Variants in HDAC5 observed in about 807,000 individuals in gnomAD.
HDAC5 encodes histone deacetylase 5.
Under a neutral mutation model 133.3 loss-of-function variants are expected in HDAC5, and 25 were observed. That is an observed-to-expected ratio of 0.19 (90% CI 0.14 to 0.26). The LOEUF (loss-of-function observed/expected upper bound fraction) is 0.26. HDAC5 is among the 10% of genes least tolerant of loss of function. The pLI, the probability that HDAC5 is intolerant of heterozygous loss-of-function variation, is 1.00. For synonymous variants in HDAC5, 589 were observed against 610.8 expected (o/e 0.96, Z 0.53); for missense variants, 1,041 against 1,460.5 (o/e 0.71, Z 4.68).
intron 11 of HDAC5, among the ~76,000 whole-genome samples, chr17:44,089,524 C>A (rs1278369254): frequency 6.6e-6 from 1 of 152,042 alleles, no homozygotes; most frequent in Non-Finnish European, 1.5e-5. Context: ...GCGGGTGGAC[C>A]ATCTGAGGTC....
intron 1 of HDAC5, chr17:44,120,098 A>G (rs2052893328): frequency 6.6e-6 from 1 of 152,384 alleles, no homozygotes; most frequent in Non-Finnish European, 1.5e-5. Flanking sequence ...GGCTGAGCCT[A>G]TGGAAGTAGG....
At chr17:44,087,735 G>A in intron 12 of HDAC5, 39 bp from the exon 13 acceptor site, 1 of 1,529,578 alleles carries the variant, frequency 6.5e-7, no homozygotes, top group East Asian at 2.3e-5. Flanking sequence ...CTGGGAGTTG[G>A]GGAGCAGCTG....
At chr17:44,110,948 C>T (rs181082496) in intron 2 of HDAC5, 148 bp from the exon 3 acceptor site, 2 of 654,088 alleles carry the variant, frequency 3.1e-6, no homozygotes. Flanking sequence ...CCGCACAGCA[C>T]AGGTTCCCTC....
At chr17:44,115,414 C>G (rs2052589292) in intron 2 of HDAC5, among the ~76,000 whole-genome samples, 1 of 152,230 alleles carries the variant, frequency 6.6e-6, no homozygotes, top group South Asian at 2.1e-4. Context: ...CCCGCGTGCT[C>G]TGGCTTCAAT....
chr17:44,110,636 G>C, intron 3 of HDAC5, 93 bp downstream of exon 3: 2 of 976,226 alleles, frequency 2.0e-6, no homozygotes, highest in East Asian at 2.5e-5. Flanking sequence ...ATCTATGCAG[G>C]ACCCTATCTG....
Position 44,117,592 on chromosome 17 carries a change from G to A in HDAC5, c.-77C>T. Reference sequence around the variant, plus strand: ...GTGGAGCTGCGGTGATGTCAAGAGAGACAGACGATAACAGACAGACGGACG... The same window carrying A: ...GTGGAGCTGCGGTGATGTCAAGAGAAACAGACGATAACAGACAGACGGACG... On this transcript the variant is annotated 5_prime_UTR_variant, in exon 2 of 27. Transcript: ENST00000682912. The surrounding 1 kb of genome is among the most constrained non-coding windows in gnomAD (Gnocchi z 4.2). 4 of 1,537,218 alleles carry A rather than the reference G, an allele frequency of 2.6e-6. No individual in the cohort carries two copies. Among genetic ancestry groups the A allele is most frequent in the Non-Finnish European group, 3.6e-6 (4 of 1,116,996 alleles).
chr17:44,093,716 C>T lies in HDAC5; in HGVS notation c.213G>A (p.Leu71=), dbSNP rs1434184701. The T allele has an allele frequency of 9.3e-6, 15 of 1,605,514 alleles. No individual in the cohort carries two copies. The highest frequency in any genetic ancestry group is 1.3e-5 in the African/African-American group (1 of 74,962). ...GALVGSVDPT[L]REQQLQQELL... ...GCTCCTGCTGCAGTTGCTGCTCCCGCAGTGTGGGGTCCACAGAGCCCACCA... is the reference window on the plus strand; with the variant it reads ...GCTCCTGCTGCAGTTGCTGCTCCCGTAGTGTGGGGTCCACAGAGCCCACCA... The change falls in exon 4 of 27, where the codon CTG becomes CTA. Residue 71 remains leucine (L), a synonymous_variant. Coordinates refer to ENST00000682912, the MANE Select transcript of HDAC5 (RefSeq NM_005474.5).
chr17:44,079,469 G>T (rs977762336), intron 23 of HDAC5, 192 bp from the exon 24 acceptor site: 1 of 514,678 alleles, frequency 1.9e-6, no homozygotes, highest in Non-Finnish European at 3.5e-6. Flanking sequence ...GTGAAACCCC[G>T]TCTCTACTAA....
chr17:44,123,531 G>GGGCGGCGGCGGCAGCAGCGGCGGC lies in HDAC5; in HGVS notation c.-241_-218dup. 1 of 396,462 alleles carries GGGCGGCGGCGGCAGCAGCGGCGGC rather than the reference G, an allele frequency of 2.5e-6. No homozygotes were observed. Among genetic ancestry groups the GGGCGGCGGCGGCAGCAGCGGCGGC allele is most frequent in the Non-Finnish European group, 4.4e-6 (1 of 225,854 alleles). 24.6% of individuals were successfully genotyped at this position (396,462 alleles called of 1,614,324 possible). Reference sequence around the variant, plus strand: ...GCTGCGGCTCGAGCTCCGGCTTCGCGGGCGGCGGCGGCAGCAGCGGCGGCG... The same window carrying GGGCGGCGGCGGCAGCAGCGGCGGC: ...GCTGCGGCTCGAGCTCCGGCTTCGCGGGCGGCGGCGGCAGCAGCGGCGGCGGCGGCGGCGGCAGCAGCGGCGGCG... On this transcript the variant is annotated 5_prime_UTR_variant, in exon 1 of 27. Coordinates refer to ENST00000682912, the MANE Select transcript of HDAC5 (RefSeq NM_005474.5).
rs773320375 is a variant in HDAC5 at position 44,088,514 on chromosome 17, C to T, written c.1472G>A (p.Arg491Gln). 3.2e-5 allele frequency: 52 copies of T among 1,613,298 alleles called. No individual in the cohort carries two copies. Among genetic ancestry groups the T allele is most frequent in the Non-Finnish European group, 4.2e-5 (50 of 1,179,916 alleles). ...MRTVGKLPRHRPLSRTQSSPL... is the reference protein window; with the variant it reads ...MRTVGKLPRHQPLSRTQSSPL... ...TGAGGACTGAGTGCGGCTCAGGGGC[C>T]GATGCCGCGGGAGCTTGCCTACCGT... The change falls in exon 12 of 27, where the codon CGG becomes CAG. Residue 491 changes from arginine to glutamine, a missense_variant. Transcript: ENST00000682912.
At chr17:44,089,168 G>A (rs2050808408) in intron 11 of HDAC5, among the ~76,000 whole-genome samples, 1 of 152,200 alleles carries the variant, frequency 6.6e-6, no homozygotes, top group Non-Finnish European at 1.5e-5. Flanking sequence ...TAAGTGTGAA[G>A]TATACACTAG....
At chr17:44,110,042 C>T (rs1446119693) in intron 3 of HDAC5, among the ~76,000 whole-genome samples, 1 of 152,214 alleles carries the variant, frequency 6.6e-6, no homozygotes, top group Non-Finnish European at 1.5e-5. Flanking sequence ...TAGGGGGTCC[C>T]GAAGCCCATC....
At chr17:44,089,328 G>T (rs891443216) in intron 11 of HDAC5, among the ~76,000 whole-genome samples, 17 of 152,140 alleles carry the variant, frequency 1.1e-4, no homozygotes, top group African/African-American at 3.9e-4. Flanking sequence ...AACCTGGGCA[G>T]CTGGGTGCGG....
intron 12 of HDAC5, among the ~76,000 whole-genome samples, chr17:44,088,033 G>A (rs186679759): frequency 3.3e-5 from 5 of 151,980 alleles, no homozygotes; most frequent in Admixed American, 1.3e-4. Flanking sequence ...TTTTTGAGAC[G>A]GTCTCGCTCT....
chr17:44,084,785 A>G (rs1170098376), intron 15 of HDAC5, 110 bp from the exon 16 acceptor site: 2 of 1,414,288 alleles, frequency 1.4e-6, no homozygotes, highest in Non-Finnish European at 1.9e-6. Context: ...GGAGATCCAA[A>G]TATTTTCAGA....
In HDAC5 at chr17:44,120,317, C is replaced by G. The variant is rs151079611; in HGVS notation, c.-189-2613G>C. 679 of 152,342 alleles carry G rather than the reference C, an allele frequency of 4.5e-3. 6 individuals are homozygous for G. The highest frequency in any genetic ancestry group is 4.2e-3 in the Non-Finnish European group (286 of 68,040). The allele number at this position is 152,342 out of a possible 1,614,324, so 9.4% of individuals were successfully genotyped here. A position where few individuals can be genotyped will look rare whatever the true frequency, so the allele number is the denominator to read the frequency against. ...CCTGGAGTCCAGTACCACCATGCAA[C>G]CCCCTCCCAACACACCTGCTCTGGC... On this transcript the variant is annotated intron_variant, in intron 1 of 26. Coordinates refer to ENST00000682912, the MANE Select transcript of HDAC5 (RefSeq NM_005474.5).
chr17:44,114,437 T>TC (rs917957050), intron 2 of HDAC5, among the ~76,000 whole-genome samples: 4 of 127,938 alleles, frequency 3.1e-5, no homozygotes, highest in Admixed American at 2.3e-4. Context: ...AGAGCAGGCG[T>TC]GGGGGGGGGG....
chr17:44,099,948 TG>T (rs759905767), intron 3 of HDAC5, among the ~76,000 whole-genome samples: 3 of 152,062 alleles, frequency 2.0e-5, no homozygotes, highest in Non-Finnish European at 2.9e-5. Flanking sequence ...ATCAGCCCAG[TG>T]GGGACTTCTG....
intron 26 of HDAC5, 26 bp downstream of exon 26, chr17:44,078,474 G>A (rs1242317288): frequency 3.8e-6 from 6 of 1,592,874 alleles, no homozygotes; most frequent in East Asian, 2.2e-5. Context: ...GGTGAGGGCA[G>A]AGAGGTGGTG....
Sources: gnomAD v4.1 joint callset for allele counts (sites outside exome capture counted in the v4.1 genomes callset) on GRCh38, gnomAD v4.1.1 for gene constraint, Gnocchi (gnomAD v3.1) non-coding constraint, MANE v1.5 for transcripts, NCBI Gene and HGNC (gene_info 2026-07-23, HGNC 2026-07-21) for gene names.